Variants in FOXP2 observed in about 807,000 individuals in gnomAD.
FOXP2 encodes the protein forkhead box P2.
In FOXP2, 12 loss-of-function variants were observed where a neutral mutation model predicts 115.8. That is an observed-to-expected ratio of 0.10 (90% confidence interval 0.07 to 0.17). The LOEUF (loss-of-function observed/expected upper bound fraction) is 0.17. FOXP2 is among the 10% of genes least tolerant of loss of function. FOXP2 has a pLI of 1.00. For synonymous variants in FOXP2, 328 were observed against 297.7 expected (o/e 1.10, Z -1.05); for missense variants, 629 against 843.5 (o/e 0.75, Z 3.15).
chr7:114,230,202 G>C (rs1794839657), intron 1 of FOXP2, among the ~76,000 whole-genome samples: 1 of 151,758 alleles, frequency 6.6e-6, no homozygotes, highest in Non-Finnish European at 1.5e-5. Flanking sequence ...TCAAAACAGA[G>C]TTATAACTAG....
At chr7:114,164,486 C>T (rs1008755381) in intron 1 of FOXP2, among the ~76,000 whole-genome samples, 5 of 151,792 alleles carry the variant, frequency 3.3e-5, no homozygotes, top group Non-Finnish European at 7.4e-5. Context: ...GCTGGGACTA[C>T]AGATGCATGC....
upstream of FOXP2, among the ~76,000 whole-genome samples, chr7:114,158,120 C>T (rs995023061): frequency 3.9e-5 from 6 of 151,940 alleles, no homozygotes; most frequent in African/African-American, 1.5e-4. Flanking sequence ...TGAAAAATTG[C>T]ATTTACTAGA....
At chr7:114,442,249 T>C (rs1389921541) in intron 2 of FOXP2, among the ~76,000 whole-genome samples, 1 of 152,088 alleles carries the variant, frequency 6.6e-6, no homozygotes, top group Non-Finnish European at 1.5e-5. Flanking sequence ...TCTATTTGTA[T>C]GAAGCTTTCA....
intron 2 of FOXP2, among the ~76,000 whole-genome samples, chr7:114,297,747 G>A (rs1307503508): frequency 1.3e-5 from 2 of 152,108 alleles, no homozygotes; most frequent in Non-Finnish European, 2.9e-5. Context: ...TCAGGGTTCG[G>A]GTTGTCTCCA....
At chr7:114,390,646 C>T (rs1792572062) in intron 2 of FOXP2, among the ~76,000 whole-genome samples, 1 of 151,986 alleles carries the variant, frequency 6.6e-6, no homozygotes, top group Non-Finnish European at 1.5e-5. Context: ...CTGAACCTCC[C>T]TGGGCTCAGG....
intron 1 of FOXP2, among the ~76,000 whole-genome samples, chr7:114,099,776 G>C (rs1799735778): frequency 6.6e-6 from 1 of 152,088 alleles, no homozygotes; most frequent in Admixed American, 6.5e-5. Flanking sequence ...ATGGGGCTTG[G>C]GGAGGAAATG....
intron 2 of FOXP2, among the ~76,000 whole-genome samples, chr7:114,298,787 G>T (rs1424408099): frequency 6.6e-6 from 1 of 152,094 alleles, no homozygotes; most frequent in Non-Finnish European, 1.5e-5. Flanking sequence ...AGCATAAAAA[G>T]GTTTATGATG....
At chr7:114,385,653 T>C (rs1792428802) in intron 2 of FOXP2, among the ~76,000 whole-genome samples, 1 of 152,210 alleles carries the variant, frequency 6.6e-6, no homozygotes, top group African/African-American at 2.4e-5. Context: ...ATGCTAATCA[T>C]TTTTAACTGG....
rs184887002 is a variant in FOXP2, at chr7:114,352,144, G to C, written c.-11+64035G>C. Among the ~76,000 whole-genome samples the C allele has an allele frequency of 3.4e-3, 523 of 151,968 alleles. 3 individuals are homozygous for C. Among genetic ancestry groups the C allele is most frequent in the African/African-American group, 0.012 (503 of 41,480 alleles). On this transcript the variant is annotated intron_variant, in intron 2 of 17. Transcript: ENST00000634411. The stretch of plus-strand genomic sequence containing the variant: ...TAGCTGAGTGTGGTGGGGCACACCT[G>C]TAGTCCCAGCTACCTGGGAGGCTAA...
At chr7:114,425,248 C>T (rs1793792102) in intron 1 of FOXP2, among the ~76,000 whole-genome samples, 1 of 151,430 alleles carries the variant, frequency 6.6e-6, no homozygotes, top group Non-Finnish European at 1.5e-5. Context: ...ATGTAAAAAA[C>T]AAATTAGATT....
chr7:114,283,080 AG>A (rs1433335029), intron 1 of FOXP2, among the ~76,000 whole-genome samples: 1 of 152,130 alleles, frequency 6.6e-6, no homozygotes, highest in Non-Finnish European at 1.5e-5. Context: ...TAAACTTGTG[AG>A]TTTGTTGCCT....
At chr7:114,670,463 C>T (rs182851188) in intron 16 of FOXP2, among the ~76,000 whole-genome samples, 103 of 152,048 alleles carry the variant, frequency 6.8e-4, no homozygotes, top group Admixed American at 1.2e-3. Flanking sequence ...GTCATCTTTA[C>T]GACATCCTCT....
chr7:114,169,164 C>T (rs1793066075), intron 1 of FOXP2, among the ~76,000 whole-genome samples: 1 of 3,734 alleles, frequency 2.7e-4, no homozygotes, highest in Non-Finnish European at 2.2e-3. Context: ...CACTGGTGCA[C>T]TGTGAGAAGA....
chr7:114,403,334 A>T (rs550528558), intron 2 of FOXP2, among the ~76,000 whole-genome samples: 12 of 152,040 alleles, frequency 7.9e-5, no homozygotes, highest in Non-Finnish European at 1.8e-4. Flanking sequence ...AATTTTTTGT[A>T]TGTCAGAATT....
intron 1 of FOXP2, among the ~76,000 whole-genome samples, chr7:114,192,585 C>T (rs1674367376): frequency 6.6e-6 from 1 of 152,092 alleles, no homozygotes; most frequent in Non-Finnish European, 1.5e-5. Flanking sequence ...GCTGTATGTA[C>T]ATTAACTTTG....
intron 1 of FOXP2, among the ~76,000 whole-genome samples, chr7:114,109,575 A>G (rs920600333): frequency 1.3e-5 from 2 of 152,144 alleles, no homozygotes; most frequent in African/African-American, 2.4e-5. Flanking sequence ...TAATTTTAGG[A>G]AATCAAGAAG....
chr7:114,133,022 G>A (rs377508035), intron 1 of FOXP2, among the ~76,000 whole-genome samples: 5 of 152,132 alleles, frequency 3.3e-5, no homozygotes, highest in African/African-American at 4.8e-5. Context: ...GGACGAAACC[G>A]GTTAGGATTT....
intron 7 of FOXP2, 52 bp downstream of exon 7, chr7:114,642,675 C>A: frequency 6.6e-7 from 1 of 1,524,236 alleles, no homozygotes; most frequent in Non-Finnish European, 9.0e-7. Context: ...ATTTTATTTT[C>A]ACCATTGAGA....
intron 1 of FOXP2, among the ~76,000 whole-genome samples, chr7:114,280,114 AAATAAAT>A (rs1207541814): frequency 6.6e-6 from 1 of 151,452 alleles, no homozygotes; most frequent in African/African-American, 2.4e-5. Flanking sequence ...ATAAATAAAT[AAATAAAT>A]AAAAACAGGT....
Sources: gnomAD v4.1 joint callset for allele counts (sites outside exome capture counted in the v4.1 genomes callset) on GRCh38, gnomAD v4.1.1 for gene constraint, MANE v1.5 for transcripts, NCBI Gene and HGNC (gene_info 2026-07-23, HGNC 2026-07-21) for gene names.